Variants in ADGRE2 observed in about 807,000 individuals in gnomAD.
The protein encoded by ADGRE2 is adhesion G protein-coupled receptor E2.
ADGRE2 carries 83 observed loss-of-function variants against 100.8 expected under a neutral mutation model. That is an observed-to-expected ratio of 0.82 (90% CI 0.69 to 0.99). The LOEUF (loss-of-function observed/expected upper bound fraction) is 0.99, where lower values mean the gene tolerates loss of function less well. Ranked by LOEUF, ADGRE2 falls within the 50% of genes least tolerant of loss-of-function variation. The pLI is 0.00. For missense variants in ADGRE2, 814 were observed against 1,035.7 expected (o/e 0.79, Z 2.94); for synonymous variants, 355 against 413.0 (o/e 0.86, Z 1.70).
At chr19:14,752,231 C>T in intron 15 of ADGRE2, 98 bp downstream of exon 15, 1 of 1,468,824 alleles carries the variant, frequency 6.8e-7, no homozygotes, top group Non-Finnish European at 9.4e-7. Flanking sequence ...CCACGCCCAG[C>T]CGGGCTATTA....
chr19:14,751,749 TG>T, intron 15 of ADGRE2, 78 bp from the exon 16 acceptor site: 1 of 1,008,038 alleles, frequency 9.9e-7, no homozygotes, highest in East Asian at 2.5e-5. Flanking sequence ...ACCATGTTGT[TG>T]GGGAGAATTC....
At position 14,772,421 on chromosome 19, in the gene ADGRE2, G is replaced by A. The variant is rs376023757; in HGVS notation, c.276C>T (p.Tyr92=). The change falls in exon 5 of 21, where the codon TAC becomes TAT. Residue 92 remains tyrosine (Y), a synonymous_variant. Coordinates refer to ENST00000315576, the MANE Select transcript of ADGRE2 (RefSeq NM_013447.4). ...CATATCCTGGGCTGCACACGCAGTCGTAGCTCCCCTCTGTGTTCCAGCAGT... is the reference window on the plus strand; with the variant it reads ...CATATCCTGGGCTGCACACGCAGTCATAGCTCCCCTCTGTGTTCCAGCAGT... The part of the protein sequence containing the change: ...FSDCWNTEGS[Y]DCVCSPGYEP... 4.8e-5 allele frequency: 77 copies of A among 1,613,872 alleles called. No individual in the cohort carries two copies. The highest frequency in any genetic ancestry group is 1.6e-4 in the Middle Eastern group (1 of 6,084).
intron 18 of ADGRE2, among the ~76,000 whole-genome samples, chr19:14,745,881 G>T (rs2043070870): frequency 6.6e-6 from 1 of 152,214 alleles, no homozygotes; most frequent in East Asian, 1.9e-4. Flanking sequence ...TTTCACTTAA[G>T]AGAGTGACCT....
intron 5 of ADGRE2, among the ~76,000 whole-genome samples, chr19:14,769,670 CTT>C (rs2044122358): frequency 6.6e-6 from 1 of 152,136 alleles, no homozygotes; most frequent in Non-Finnish European, 1.5e-5. Context: ...GTGTTGGCCT[CTT>C]TTCTTTTCTC....
At chr19:14,746,606 G>A (rs554995243) in intron 17 of ADGRE2, among the ~76,000 whole-genome samples, 143 of 152,134 alleles carry the variant, frequency 9.4e-4, no homozygotes, top group African/African-American at 3.3e-3. Flanking sequence ...CAAGTGATCT[G>A]CCTGCCTCGG....
chr19:14,773,635 C>A (rs1375161105), intron 4 of ADGRE2, among the ~76,000 whole-genome samples: 2 of 152,064 alleles, frequency 1.3e-5, no homozygotes, highest in Non-Finnish European at 2.9e-5. Flanking sequence ...CCTCAGTCTT[C>A]TGAGTAGCTG....
intron 5 of ADGRE2, chr19:14,769,065 C>T (rs1357196326): frequency 6.6e-6 from 1 of 152,218 alleles, no homozygotes; most frequent in Admixed American, 6.5e-5. Context: ...ATCGAATATC[C>T]TGAGTGCCAG....
rs1219474632 is a variant in ADGRE2, at chr19:14,736,784, A to AAATATAT, written c.2464-541_2464-540insATATATT. 1.0e-4 allele frequency among the ~76,000 whole-genome samples: 15 copies of AAATATAT among 144,114 alleles called. 1 individual carries two copies. Among genetic ancestry groups the AAATATAT allele is most frequent in the Admixed American group, 3.5e-4 (5 of 14,318 alleles). 94.5% of individuals were successfully genotyped at this position (144,114 alleles called of 152,430 possible). On this transcript the variant is annotated intron_variant, in intron 20 of 20. Coordinates refer to ENST00000315576, the MANE Select transcript of ADGRE2 (RefSeq NM_013447.4). ...GATATTTAGAAATATAGATATTTAG[A>AAATATAT]AGTATAGATATTTAGAAATATATAG...
intron 13 of ADGRE2, among the ~76,000 whole-genome samples, 153 bp from the exon 14 acceptor site, chr19:14,755,280 A>G (rs923312606): frequency 1.3e-5 from 1 of 79,966 alleles, no homozygotes; most frequent in East Asian, 4.6e-4. Flanking sequence ...CTAAAAAAAA[A>G]AAAAAAAAAA....
intron 5 of ADGRE2, 165 bp downstream of exon 5, chr19:14,772,177 C>T: frequency 2.0e-6 from 2 of 986,174 alleles, no homozygotes; most frequent in Non-Finnish European, 3.0e-6. Flanking sequence ...TCACACCACG[C>T]TGCCTCTCTG....
rs202025706 is a variant in ADGRE2 at position 14,772,357 on chromosome 19, C to T, written c.340G>A (p.Glu114Lys). 15 of 1,614,066 alleles carry T rather than the reference C, an allele frequency of 9.3e-6. No homozygotes were observed. The highest frequency in any genetic ancestry group is 4.0e-5 in the African/African-American group (3 of 75,004). The stretch of plus-strand genomic sequence containing the variant: ...TGGTTCTTACCTTGACACGTGTTCT[C>T]GCTCTCATTCTTGAATGTTTTTGCC... The part of the protein sequence containing the change: ...SGAKTFKNES[E>K]NTCQDVDECQ... The change falls in exon 5 of 21, where the codon GAG becomes AAG. Residue 114 changes from glutamate to lysine, a missense_variant. Transcript: ENST00000315576.
At chr19:14,744,232 C>T (rs780598204) in intron 18 of ADGRE2, among the ~76,000 whole-genome samples, 17 of 136,398 alleles carry the variant, frequency 1.2e-4, no homozygotes, top group African/African-American at 2.6e-4. Flanking sequence ...AGTGACAGAG[C>T]GAGACTCTGT....
rs779848758 is a variant in ADGRE2 at position 14,751,654 on chromosome 19, G to A, written c.1806C>T (p.Ile602=). The change falls in exon 16 of 21, where the codon ATC becomes ATT. Residue 602 remains isoleucine, a synonymous_variant. Transcript: ENST00000315576. The part of the protein sequence containing the change: ...QTGHKVLCSI[I]AGTLHYLYLA... Reference sequence around the variant, plus strand: ...GGTAGAGATAGTGCAAGGTACCGGCGATGATGGAGCACAGCACCTGGCGGA... The same window carrying A: ...GGTAGAGATAGTGCAAGGTACCGGCAATGATGGAGCACAGCACCTGGCGGA... 97 of 1,613,848 alleles carry A rather than the reference G, an allele frequency of 6.0e-5. No homozygotes were observed. Among genetic ancestry groups the A allele is most frequent in the Admixed American group, 4.0e-4 (24 of 59,984 alleles).
At chr19:14,724,305 T>G in the ADGRE2 span, among the ~76,000 whole-genome samples, 5 of 152,194 alleles carry the variant, frequency 3.3e-5, no homozygotes, top group African/African-American at 1.2e-4. Flanking sequence ...CCTAGCACAG[T>G]AAGATCATAC....
intron 13 of ADGRE2, 76 bp downstream of exon 13, chr19:14,755,578 C>T (rs34617107): frequency 0.16 from 220,686 of 1,350,898 alleles, 19,641 homozygotes; most frequent in Middle Eastern, 0.2. Flanking sequence ...CCCCTGAGCC[C>T]CAGGGCTGAG....
rs752798837 is a variant in ADGRE2 at position 14,765,663 on chromosome 19, C to T, written c.776G>A (p.Cys259Tyr). Reference sequence around the variant, plus strand: ...CTTCTAGGGCCAGGTCATACCTTCACAGACAGTGTCCTTTTGGTTATTCGG... The same window carrying T: ...CTTCTAGGGCCAGGTCATACCTTCATAGACAGTGTCCTTTTGGTTATTCGG... Reference protein sequence around the residue: ...GIPNNQKDTVCEDMTFSTWTP... With the variant: ...GIPNNQKDTVYEDMTFSTWTP... Residue 259 changes from cysteine to tyrosine, a missense_variant, in exon 8 of 21, where the codon TGT (cysteine) becomes TAT (tyrosine). Cys to Tyr is a radical substitution (Grantham distance 194). Transcript: ENST00000315576. 6.2e-7 allele frequency: 1 copy of T among 1,613,330 alleles called. No homozygotes were observed. The highest frequency in any genetic ancestry group is 1.1e-5 in the South Asian group (1 of 90,988).
intron 13 of ADGRE2, 79 bp downstream of exon 13, chr19:14,755,575 G>T: frequency 7.7e-7 from 1 of 1,292,516 alleles, no homozygotes; most frequent in Non-Finnish European, 1.1e-6. Context: ...AGACCCCTGA[G>T]CCCCAGGGCT....
At chr19:14,772,200 A>G (rs745730068) in intron 5 of ADGRE2, 142 bp downstream of exon 5, 24 of 1,213,154 alleles carry the variant, frequency 2.0e-5, no homozygotes, top group Non-Finnish European at 2.7e-5. Context: ...CTGGCGAAAC[A>G]GGTACATGCA....
downstream of ADGRE2, chr19:14,731,497 A>G: frequency 5.5e-6 from 2 of 361,884 alleles, no homozygotes; most frequent in Non-Finnish European, 1.0e-5. Context: ...AAAGGGGGAA[A>G]ACAGCCAGGG....
Sources: allele counts gnomAD v4.1 joint callset (sites outside exome capture counted in the v4.1 genomes callset), GRCh38; gene constraint gnomAD v4.1.1; transcripts MANE v1.5; gene names NCBI Gene and HGNC (gene_info 2026-07-23, HGNC 2026-07-21).